Variants in THSD7A observed in about 807,000 individuals in gnomAD.
The protein encoded by THSD7A is thrombospondin type-1 domain-containing protein 7A.
In THSD7A, 96 loss-of-function variants were observed where a neutral mutation model predicts 231.3. The ratio of observed to expected loss-of-function variants is 0.41; its 90% CI spans 0.35 to 0.49. The LOEUF (loss-of-function observed/expected upper bound fraction) is 0.49. Among genes scored for constraint, THSD7A ranks in the 20% least tolerant of loss-of-function variants. The pLI is 0.05. For missense variants in THSD7A, 2,290 were observed against 2,070.2 expected (o/e 1.11, Z -2.06); for synonymous variants, 940 against 743.3 (o/e 1.26, Z -4.30).
chr7:11,489,078 C>G (rs899794494), intron 6 of THSD7A, among the ~76,000 whole-genome samples: 1 of 152,108 alleles, frequency 6.6e-6, no homozygotes, highest in South Asian at 2.1e-4. Context: ...ACCTTTACTT[C>G]CATTAGCCTA....
intron 9 of THSD7A, among the ~76,000 whole-genome samples, chr7:11,465,310 C>T (rs1785656099): frequency 6.6e-6 from 1 of 152,054 alleles, no homozygotes; most frequent in Non-Finnish European, 1.5e-5. Context: ...TAAGCTATCA[C>T]TTTGTTTTCA....
intron 4 of THSD7A, among the ~76,000 whole-genome samples, chr7:11,566,967 G>GGGGGGGGGGGGGGC (rs1790363949): frequency 9.5e-6 from 1 of 105,808 alleles, no homozygotes. Context: ...TGGGAGAGTG[G>GGGGGGGGGGGGGGC]GGGGGGGACT....
At chr7:11,566,535 C>G (rs1790334112) in intron 4 of THSD7A, among the ~76,000 whole-genome samples, 1 of 152,138 alleles carries the variant, frequency 6.6e-6, no homozygotes, top group African/African-American at 2.4e-5. Flanking sequence ...TCCAAAGTAC[C>G]ATGGTACTAC....
chr7:11,476,541 G>A (rs1266127404), intron 7 of THSD7A, among the ~76,000 whole-genome samples: 3 of 152,038 alleles, frequency 2.0e-5, no homozygotes, highest in Non-Finnish European at 4.4e-5. Context: ...AAAGCACCAG[G>A]TACAGTGGCT....
chr7:11,400,063 G>A (rs11970924), intron 23 of THSD7A, among the ~76,000 whole-genome samples: 37,384 of 150,416 alleles, frequency 0.25, 5,607 homozygotes, highest in African/African-American at 0.42. Context: ...TGGCAAGGAC[G>A]AAAAACCAAA....
At chr7:11,800,406 G>C (rs549615825) in intron 1 of THSD7A, among the ~76,000 whole-genome samples, 2 of 152,118 alleles carry the variant, frequency 1.3e-5, no homozygotes, top group African/African-American at 4.8e-5. Context: ...AAAATTAGCC[G>C]GGTGTGGTGA....
intron 1 of THSD7A, among the ~76,000 whole-genome samples, chr7:11,756,567 C>T (rs191333304): frequency 2.2e-4 from 33 of 151,608 alleles, no homozygotes; most frequent in African/African-American, 6.5e-4. Context: ...AGTAAAATCA[C>T]GGGGACAGAA....
intron 4 of THSD7A, among the ~76,000 whole-genome samples, chr7:11,584,529 T>C (rs1181059121): frequency 1.3e-5 from 2 of 151,998 alleles, no homozygotes; most frequent in East Asian, 3.9e-4. Context: ...GTCACATAGC[T>C]TGAATGGGAA....
chr7:11,735,085 A>G (rs907049880), intron 1 of THSD7A, among the ~76,000 whole-genome samples: 4 of 151,926 alleles, frequency 2.6e-5, no homozygotes, highest in Non-Finnish European at 5.9e-5. Context: ...TCTAACTTCT[A>G]GTTGATTATA....
chr7:11,635,117 C>T (rs1275780101), intron 2 of THSD7A, among the ~76,000 whole-genome samples: 3 of 152,120 alleles, frequency 2.0e-5, no homozygotes, highest in African/African-American at 4.8e-5. Context: ...CAGCTGTTCA[C>T]CAGAAGCGCA....
chr7:11,525,977 T>A (rs1788458927), intron 6 of THSD7A, among the ~76,000 whole-genome samples: 2 of 152,142 alleles, frequency 1.3e-5, no homozygotes, highest in Non-Finnish European at 2.9e-5. Flanking sequence ...ACCAAATTTG[T>A]TTTATAGCCA....
chr7:11,703,198 C>T (rs117566104), intron 1 of THSD7A, among the ~76,000 whole-genome samples: 3 of 151,182 alleles, frequency 2.0e-5, no homozygotes, highest in Non-Finnish European at 4.4e-5. Flanking sequence ...TTCCTGGCAG[C>T]GTTCAAACTC....
chr7:11,627,544 T>A (rs921018700), intron 2 of THSD7A, among the ~76,000 whole-genome samples: 2 of 152,098 alleles, frequency 1.3e-5, no homozygotes, highest in African/African-American at 4.8e-5. Context: ...AAAGTACTTT[T>A]TTAAGGAATG....
intron 1 of THSD7A, among the ~76,000 whole-genome samples, chr7:11,695,698 T>C (rs1198948104): frequency 6.6e-6 from 1 of 151,446 alleles, no homozygotes; most frequent in African/African-American, 2.4e-5. Flanking sequence ...CCAAAGATAG[T>C]AGGTTAGGAC....
chr7:11,747,928 C>A (rs1375835233), intron 1 of THSD7A, among the ~76,000 whole-genome samples: 1 of 151,832 alleles, frequency 6.6e-6, no homozygotes, highest in Admixed American at 6.6e-5. Context: ...GAAATGGAAA[C>A]AATTTTTGCA....
chr7:11,785,930 T>C (rs1583289728), intron 1 of THSD7A, among the ~76,000 whole-genome samples: 2 of 152,296 alleles, frequency 1.3e-5, no homozygotes, highest in East Asian at 3.9e-4. Flanking sequence ...TTTTAAGATA[T>C]TTCTTTGCTC....
At chr7:11,456,866 G>C (rs375674300) in intron 11 of THSD7A, among the ~76,000 whole-genome samples, 4 of 151,994 alleles carry the variant, frequency 2.6e-5, no homozygotes, top group African/African-American at 7.2e-5. Flanking sequence ...ATTGATAAAA[G>C]TCATGAAGTA....
At chr7:11,690,697 C>A (rs548620820) in intron 1 of THSD7A, among the ~76,000 whole-genome samples, 62 of 151,802 alleles carry the variant, frequency 4.1e-4, no homozygotes, top group Admixed American at 4.0e-3. Flanking sequence ...CTCAAAACAA[C>A]CCATACTTTC....
At position 11,653,101 on chromosome 7, in the gene THSD7A, C is replaced by T. The variant is rs992831492; in HGVS notation, c.191-16140G>A. 2.6e-5 allele frequency among the ~76,000 whole-genome samples: 4 copies of T among 152,062 alleles called. No homozygotes were observed. The South Asian group carries it at 6.2e-4, about 24-fold the overall frequency. ...CACTGTATTGTTTTTGCAAATTTCT[C>T]ACCATCTGCATCTTTCAACAACCCT... On this transcript the variant is annotated intron_variant, in intron 1 of 27. Coordinates refer to ENST00000423059, the MANE Select transcript of THSD7A (RefSeq NM_015204.3).
Sources: allele counts gnomAD v4.1 joint callset (sites outside exome capture counted in the v4.1 genomes callset), GRCh38; gene constraint gnomAD v4.1.1; transcripts MANE v1.5; gene names NCBI Gene and HGNC (gene_info 2026-07-23, HGNC 2026-07-21).